NIPAL2: variants seen among roughly 807,000 people sequenced by gnomAD.
NIPAL2 encodes the protein NIPA like domain containing 2, also known as NIPA-like protein 2.
A neutral mutation model predicts 48.9 loss-of-function variants in NIPAL2; 43 were observed. That is an observed-to-expected ratio of 0.88 (90% confidence interval 0.69 to 1.13). The LOEUF (loss-of-function observed/expected upper bound fraction) is 1.13. NIPAL2 is among the 50% of genes most tolerant of loss of function. NIPAL2 has a pLI of 0.00. For missense variants in NIPAL2, 446 were observed against 461.4 expected, an observed-to-expected ratio of 0.97 and a Z score of 0.31; for synonymous variants, 167 against 174.6, an observed-to-expected ratio of 0.96 and a Z score of 0.34.
intron 1 of NIPAL2, among the ~76,000 whole-genome samples, chr8:98,280,761 T>TAGAG (rs1554578553): frequency 0.026 from 785 of 30,008 alleles, 54 homozygotes; most frequent in South Asian, 0.04. Flanking sequence ...TATATATATA[T>TAGAG]AGAGAGAGAG....
chr8:98,246,866 G>C (rs749682281), intron 3 of NIPAL2, among the ~76,000 whole-genome samples: 1 of 151,930 alleles, frequency 6.6e-6, no homozygotes, highest in Non-Finnish European at 1.5e-5. Context: ...CTTCCTTGCC[G>C]CCCCATAGAC....
chr8:98,203,119 G>A lies in NIPAL2; in HGVS notation c.869C>T (p.Ala290Val). 1 of 1,613,228 alleles carries A rather than the reference G, an allele frequency of 6.2e-7. No homozygotes were observed. Among genetic ancestry groups the A allele is most frequent in the Non-Finnish European group, 8.5e-7 (1 of 1,179,246 alleles). ...AAACCAAAACTCACCTGCAATGATG[G>A]CACTGATTGTAAAGAAAATATGATT... ...PVNHIFFTIS[A>V]IIAGIIFYQE... is the part of the protein sequence containing the mutation. Residue 290 changes from alanine to valine, a missense_variant, in exon 8 of 11, where the codon GCC becomes GTC. Transcript: ENST00000430223.
At chr8:98,204,228 G>A (rs1477481870) in intron 7 of NIPAL2, among the ~76,000 whole-genome samples, 1 of 152,182 alleles carries the variant, frequency 6.6e-6, no homozygotes, top group Non-Finnish European at 1.5e-5. Flanking sequence ...TAGAAACACA[G>A]GCTTATAAGG....
At chr8:98,253,907 A>G (rs1813733484) in intron 2 of NIPAL2, 112 bp downstream of exon 2, 5 of 605,728 alleles carry the variant, frequency 8.3e-6, no homozygotes, top group Non-Finnish European at 1.1e-5. Flanking sequence ...TATATTTTTT[A>G]TAATTTTTAT....
In NIPAL2 at chr8:98,239,591, T is replaced by C. The variant is rs145087112; in HGVS notation, c.377-3377A>G. ...GTCAGAATTTTATGAAACATAAATA[T>C]GCTACTCTTCCTTTCTGAAAGATAA... On this transcript the variant is annotated intron_variant, in intron 3 of 10. Transcript: ENST00000430223. 9.2e-5 allele frequency among the ~76,000 whole-genome samples: 14 copies of C among 152,332 alleles called. No homozygotes were observed. In the East Asian group the frequency reaches 2.7e-3, roughly 29 times the overall value.
intron 3 of NIPAL2, among the ~76,000 whole-genome samples, chr8:98,241,809 G>T (rs1250999296): frequency 6.8e-6 from 1 of 147,844 alleles, no homozygotes; most frequent in African/African-American, 2.5e-5. Flanking sequence ...CTTATTAAGG[G>T]TTTGACACGG....
At chr8:98,270,532 G>T (rs1423638144) in intron 1 of NIPAL2, among the ~76,000 whole-genome samples, 1 of 151,946 alleles carries the variant, frequency 6.6e-6, no homozygotes, top group African/African-American at 2.4e-5. Flanking sequence ...GGATTATTTG[G>T]TTTTTGCTTG....
At chr8:98,250,085 G>A (rs1171205871) in intron 3 of NIPAL2, among the ~76,000 whole-genome samples, 2 of 152,054 alleles carry the variant, frequency 1.3e-5, no homozygotes, top group African/African-American at 2.4e-5. Context: ...ACTATTGTAA[G>A]TGTTCTGGAT....
intron 3 of NIPAL2, among the ~76,000 whole-genome samples, chr8:98,240,873 G>A (rs767567479): frequency 4.6e-5 from 7 of 152,162 alleles, no homozygotes; most frequent in Non-Finnish European, 7.3e-5. Context: ...GGGTTTGAGT[G>A]TTGCTCTGTC....
At chr8:98,211,060 C>T (rs947253877) in intron 6 of NIPAL2, among the ~76,000 whole-genome samples, 41 of 152,182 alleles carry the variant, frequency 2.7e-4, no homozygotes, top group African/African-American at 8.9e-4. Flanking sequence ...GGGAAGGAAG[C>T]ATGGTGGCTG....
At chr8:98,222,257 A>T (rs1405474237) in intron 5 of NIPAL2, among the ~76,000 whole-genome samples, 1 of 152,104 alleles carries the variant, frequency 6.6e-6, no homozygotes, top group Non-Finnish European at 1.5e-5. Flanking sequence ...AACTTGGTGG[A>T]TTAATCGATG....
intron 1 of NIPAL2, among the ~76,000 whole-genome samples, chr8:98,269,584 A>C (rs1161394334): frequency 1.3e-5 from 2 of 152,218 alleles, no homozygotes; most frequent in East Asian, 3.8e-4. Flanking sequence ...ATGCGCTGTC[A>C]TCCAGGCTTA....
At chr8:98,231,464 T>A (rs565790166) in intron 4 of NIPAL2, among the ~76,000 whole-genome samples, 1 of 152,336 alleles carries the variant, frequency 6.6e-6, no homozygotes, top group South Asian at 2.1e-4. Flanking sequence ...AGGCTGACTG[T>A]CATTTTTATT....
intron 1 of NIPAL2, among the ~76,000 whole-genome samples, chr8:98,277,545 A>C (rs559017258): frequency 3.9e-5 from 6 of 152,158 alleles, no homozygotes; most frequent in East Asian, 1.9e-4. Context: ...TCAAAAAAAA[A>C]CCAAAAAAGA....
At chr8:98,290,163 G>A (rs1816419184) in intron 1 of NIPAL2, among the ~76,000 whole-genome samples, 1 of 152,130 alleles carries the variant, frequency 6.6e-6, no homozygotes, top group African/African-American at 2.4e-5. Context: ...TGAGGTTGAG[G>A]GGGGCTCAAA....
intron 6 of NIPAL2, among the ~76,000 whole-genome samples, chr8:98,207,300 A>G (rs1326108539): frequency 6.6e-6 from 1 of 152,238 alleles, no homozygotes; most frequent in Non-Finnish European, 1.5e-5. Context: ...CAAACTATCA[A>G]TTTCTGTAGC....
intron 5 of NIPAL2, among the ~76,000 whole-genome samples, chr8:98,221,330 TCAGA>T (rs1196645881): frequency 2.6e-5 from 4 of 151,264 alleles, no homozygotes; most frequent in African/African-American, 9.7e-5. Context: ...TGTGCTCCTC[TCAGA>T]CAGTCTGTGG....
chr8:98,197,410 A>AT (rs1810601517), intron 8 of NIPAL2, among the ~76,000 whole-genome samples: 4 of 152,266 alleles, frequency 2.6e-5, no homozygotes, highest in African/African-American at 9.6e-5. Flanking sequence ...CTCAGTGTTG[A>AT]TGGTTGTTGA....
intron 1 of NIPAL2, among the ~76,000 whole-genome samples, chr8:98,280,736 C>CTATATATATATATATATATATATA (rs71572005): frequency 1.0e-4 from 4 of 39,024 alleles, no homozygotes; most frequent in East Asian, 4.5e-4. Flanking sequence ...TAGTCCATTA[C>CTATATATATATATATATATATATA]TATATATATA....
Sources: allele counts gnomAD v4.1 joint callset (sites outside exome capture counted in the v4.1 genomes callset), GRCh38; gene constraint gnomAD v4.1.1; transcripts MANE v1.5; gene names NCBI Gene and HGNC (gene_info 2026-07-23, HGNC 2026-07-21).